The following SBF2 variants were observed in gnomAD, a reference collection of about 807,000 sequenced individuals.
The protein encoded by SBF2 is SET binding factor 2.
In SBF2, 112 loss-of-function variants were observed where a neutral mutation model predicts 225.2. The observed-to-expected ratio is 0.50, with a 90% CI of 0.43 to 0.58. The LOEUF is 0.58. Ranked by LOEUF, SBF2 falls within the 20% of genes least tolerant of loss-of-function variation. The probability of loss-of-function intolerance (pLI) is 0.00; values close to 1 mark genes in which losing one functional copy is unlikely to be tolerated. For synonymous variants in SBF2, 763 were observed against 773.3 expected (o/e 0.99, Z 0.22); for missense variants, 1,996 against 2,206.2 (o/e 0.90, Z 1.91).
intron 30 of SBF2, chr11:9,811,302 T>C (rs1027115694): frequency 1.3e-5 from 2 of 152,230 alleles, no homozygotes; most frequent in African/African-American, 4.8e-5. Flanking sequence ...GCAATGTACC[T>C]ATACAACAAA....
intron 2 of SBF2, among the ~76,000 whole-genome samples, chr11:10,143,699 T>A (rs1209776424): frequency 6.6e-6 from 1 of 151,998 alleles, no homozygotes; most frequent in Non-Finnish European, 1.5e-5. Context: ...TTTTTTTAGA[T>A]ATTAACAACT....
At chr11:10,167,346 G>A (rs903232182) in intron 2 of SBF2, among the ~76,000 whole-genome samples, 1 of 152,146 alleles carries the variant, frequency 6.6e-6, no homozygotes, top group Admixed American at 6.5e-5. Flanking sequence ...GCTCACGTCT[G>A]TAATCCCAGG....
chr11:9,800,844 G>A (rs1237095143), intron 32 of SBF2, among the ~76,000 whole-genome samples: 2 of 152,108 alleles, frequency 1.3e-5, no homozygotes, highest in Non-Finnish European at 2.9e-5. Context: ...CCATACCCAG[G>A]ATCAGCCTTG....
At position 10,239,061 on chromosome 11, in the gene SBF2, T is replaced by C. The variant is rs750598327; in HGVS notation, c.56-45074A>G. On this transcript the variant is annotated intron_variant, in intron 1 of 39. Coordinates refer to ENST00000256190, the MANE Select transcript of SBF2 (RefSeq NM_030962.4). Reference sequence around the variant, plus strand: ...AATTATACATATATACACACATATATGTTTATGTGTATATACATGTATAAT... The same window carrying C: ...AATTATACATATATACACACATATACGTTTATGTGTATATACATGTATAAT... 2.4e-4 allele frequency among the ~76,000 whole-genome samples: 37 copies of C among 151,032 alleles called. 1 individual carries two copies. Among genetic ancestry groups the C allele is most frequent in the Non-Finnish European group, 1.5e-5 (1 of 67,538 alleles).
chr11:9,959,493 T>C, intron 16 of SBF2: 1 of 846,788 alleles, frequency 1.2e-6, no homozygotes, highest in Non-Finnish European at 2.1e-6. Context: ...CTGCAGGCTT[T>C]CGATTGCACT....
At chr11:9,809,249 T>A in intron 30 of SBF2, 1 of 426,308 alleles carries the variant, frequency 2.3e-6, no homozygotes, top group Non-Finnish European at 4.3e-6. Context: ...GCAGGTCATT[T>A]GAGGTTCGGA....
chr11:9,842,588 A>G, intron 25 of SBF2, 37 bp downstream of exon 25: 1 of 1,604,066 alleles, frequency 6.2e-7, no homozygotes, highest in Non-Finnish European at 8.5e-7. Context: ...ATAAGAAATA[A>G]AGTTGAATAA....
intron 1 of SBF2, among the ~76,000 whole-genome samples, chr11:10,240,870 G>A (rs1238924669): frequency 1.3e-5 from 2 of 151,694 alleles, no homozygotes; most frequent in Admixed American, 1.3e-4. Flanking sequence ...TAAATATCTG[G>A]GAATTTTTAT....
At chr11:10,106,722 A>G (rs1231889355) in intron 2 of SBF2, among the ~76,000 whole-genome samples, 1 of 152,058 alleles carries the variant, frequency 6.6e-6, no homozygotes, top group Admixed American at 6.5e-5. Flanking sequence ...GTAATAAAAA[A>G]GCCACAGATT....
intron 1 of SBF2, among the ~76,000 whole-genome samples, chr11:10,290,236 T>C (rs1323289177): frequency 6.6e-6 from 1 of 152,040 alleles, no homozygotes; most frequent in African/African-American, 2.4e-5. Flanking sequence ...GCTTGTCATA[T>C]TGTCATAGAC....
chr11:9,891,174 G>A (rs1422584905), intron 17 of SBF2, among the ~76,000 whole-genome samples: 1 of 151,894 alleles, frequency 6.6e-6, no homozygotes, highest in East Asian at 1.9e-4. Flanking sequence ...TTGTGGTGAA[G>A]GGGCCATGAC....
chr11:10,234,050 T>C (rs1958965480), intron 1 of SBF2, among the ~76,000 whole-genome samples: 1 of 152,240 alleles, frequency 6.6e-6, no homozygotes. Flanking sequence ...GATTTAATAC[T>C]GACACATCAG....
At chr11:10,086,405 T>C (rs1951567957) in intron 2 of SBF2, among the ~76,000 whole-genome samples, 1 of 152,136 alleles carries the variant, frequency 6.6e-6, no homozygotes, top group African/African-American at 2.4e-5. Flanking sequence ...AAAGTTAGGA[T>C]TATAAATCTA....
intron 16 of SBF2, among the ~76,000 whole-genome samples, chr11:9,925,443 A>G: frequency 6.6e-6 from 1 of 152,080 alleles, no homozygotes; most frequent in East Asian, 1.9e-4. Flanking sequence ...ACGCCCGACT[A>G]ATTTTGAATT....
chr11:9,780,656 C>T, intron 39 of SBF2, 140 bp from the exon 40 acceptor site: 1 of 725,188 alleles, frequency 1.4e-6, no homozygotes. Context: ...TCCTCAACTA[C>T]CATACTGTTA....
At chr11:9,945,935 A>C (rs1056498108) in intron 16 of SBF2, among the ~76,000 whole-genome samples, 19 of 152,100 alleles carry the variant, frequency 1.2e-4, no homozygotes, top group African/African-American at 4.3e-4. Flanking sequence ...AAAAAAAAAC[A>C]GATGTTGGTG....
intron 16 of SBF2, among the ~76,000 whole-genome samples, chr11:9,940,556 T>C (rs968224175): frequency 6.6e-6 from 1 of 152,168 alleles, no homozygotes; most frequent in Non-Finnish European, 1.5e-5. Context: ...TTAAATGAAA[T>C]AAAAATATTA....
intron 1 of SBF2, among the ~76,000 whole-genome samples, chr11:10,302,281 C>T (rs7935242): frequency 0.39 from 59,277 of 152,134 alleles, 12,524 homozygotes; most frequent in Non-Finnish European, 0.47. Context: ...ATTTAACAAA[C>T]TCCTTATCTT....
At chr11:10,151,247 G>C (rs1050920128) in intron 2 of SBF2, among the ~76,000 whole-genome samples, 1 of 152,152 alleles carries the variant, frequency 6.6e-6, no homozygotes, top group Non-Finnish European at 1.5e-5. Flanking sequence ...ATGCTAACCA[G>C]AAAATCCCTT....
Sources: gnomAD v4.1 joint callset for allele counts (sites outside exome capture counted in the v4.1 genomes callset) on GRCh38, gnomAD v4.1.1 for gene constraint, MANE v1.5 for transcripts, NCBI Gene and HGNC (gene_info 2026-07-23, HGNC 2026-07-21) for gene names.